Variants in SORCS3 observed in about 807,000 individuals in gnomAD.
The protein encoded by SORCS3 is sortilin related VPS10 domain containing receptor 3.
A neutral mutation model predicts 146.3 loss-of-function variants in SORCS3; 57 were observed. The ratio of observed to expected loss-of-function variants is 0.39; its 90% CI spans 0.31 to 0.49. SORCS3 has a LOEUF of 0.49. Ranked by LOEUF, SORCS3 falls within the 20% of genes least tolerant of loss-of-function variation. The pLI is 0.92. For missense variants in SORCS3, 1,341 were observed against 1,575.5 expected (o/e 0.85, Z 2.52); for synonymous variants, 653 against 618.5 (o/e 1.06, Z -0.83).
rs183237232 is a variant in SORCS3 at position 105,243,046 on chromosome 10, T to C, written c.2869-2496T>C. Reference sequence around the variant, plus strand: ...ATACATATATATTTACATATATTTATATATATTTATATATTTATATATATT... The same window carrying C: ...ATACATATATATTTACATATATTTACATATATTTATATATTTATATATATT... On this transcript the variant is annotated intron_variant, in intron 20 of 26. Transcript: ENST00000369701. Among the ~76,000 whole-genome samples the C allele has an allele frequency of 6.5e-3, 884 of 136,528 alleles. 5 individuals carry two copies. The highest frequency in any genetic ancestry group is 9.7e-3 in the Non-Finnish European group (632 of 65,214). The allele number at this position is 136,528 out of a possible 152,430, so 89.6% of individuals were successfully genotyped here. A position where few individuals can be genotyped will look rare whatever the true frequency, so the allele number is the denominator to read the frequency against.
At chr10:104,829,328 T>C (rs2017975788) in intron 1 of SORCS3, among the ~76,000 whole-genome samples, 1 of 152,162 alleles carries the variant, frequency 6.6e-6, no homozygotes, top group Non-Finnish European at 1.5e-5. Context: ...GGAAAATCAG[T>C]TCTGTCTTTG....
chr10:104,673,703 T>G (rs1400258096), intron 1 of SORCS3, among the ~76,000 whole-genome samples: 1 of 152,156 alleles, frequency 6.6e-6, no homozygotes, highest in East Asian at 1.9e-4. Context: ...CCTCCTGCCT[T>G]GGCCTCCTAT....
intron 7 of SORCS3, among the ~76,000 whole-genome samples, chr10:105,115,305 T>C (rs2055885562): frequency 6.6e-6 from 1 of 152,196 alleles, no homozygotes; most frequent in East Asian, 1.9e-4. Flanking sequence ...GAGATAATAA[T>C]GGCTTTGAAA....
chr10:104,723,385 T>A (rs1257652767), intron 1 of SORCS3, among the ~76,000 whole-genome samples: 2 of 151,974 alleles, frequency 1.3e-5, no homozygotes, highest in Non-Finnish European at 2.9e-5. Context: ...TGCTGAGGAG[T>A]GTTTTACTTC....
chr10:104,824,592 C>T (rs570043356), intron 1 of SORCS3, among the ~76,000 whole-genome samples: 1 of 152,272 alleles, frequency 6.6e-6, no homozygotes. Context: ...TGGTGCTGAA[C>T]GCTGTCCCGG....
chr10:104,801,749 T>A (rs935570705), intron 1 of SORCS3, among the ~76,000 whole-genome samples: 1 of 152,236 alleles, frequency 6.6e-6, no homozygotes, highest in Non-Finnish European at 1.5e-5. Context: ...GGGATGCATT[T>A]AATTCTTACA....
chr10:104,840,541 A>G (rs1425795191), intron 1 of SORCS3, among the ~76,000 whole-genome samples: 2 of 152,174 alleles, frequency 1.3e-5, no homozygotes, highest in African/African-American at 2.4e-5. Flanking sequence ...AAGAATCTGG[A>G]TCTTTTATTT....
At chr10:104,811,178 A>G (rs61867295) in intron 1 of SORCS3, among the ~76,000 whole-genome samples, 4,495 of 152,344 alleles carry the variant, frequency 0.03, 86 homozygotes, top group Middle Eastern at 0.078. Context: ...ACTGGACCAG[A>G]TATTTTACAC....
intron 14 of SORCS3, among the ~76,000 whole-genome samples, chr10:105,178,860 C>G (rs1247278115): frequency 6.6e-6 from 1 of 152,086 alleles, no homozygotes; most frequent in East Asian, 1.9e-4. Flanking sequence ...AGAGTGGAGT[C>G]TTGTTGGGCA....
At chr10:104,863,955 G>A (rs2018433045) in intron 2 of SORCS3, among the ~76,000 whole-genome samples, 1 of 152,182 alleles carries the variant, frequency 6.6e-6, no homozygotes, top group East Asian at 1.9e-4. Context: ...GCCTATCAGG[G>A]TTGTCAAAAG....
intron 1 of SORCS3, among the ~76,000 whole-genome samples, chr10:104,713,785 G>C (rs1291499488): frequency 6.6e-6 from 1 of 152,090 alleles, no homozygotes; most frequent in Admixed American, 6.5e-5. Flanking sequence ...TGGTTTGGGG[G>C]TATTATAGAA....
At chr10:104,925,079 G>A (rs1031587300) in intron 3 of SORCS3, among the ~76,000 whole-genome samples, 39 of 151,912 alleles carry the variant, frequency 2.6e-4, no homozygotes, top group African/African-American at 9.2e-4. Flanking sequence ...CCCCTGACAG[G>A]CCCCAGTGTG....
At chr10:105,230,412 C>G (rs1343250993) in intron 20 of SORCS3, among the ~76,000 whole-genome samples, 1 of 152,068 alleles carries the variant, frequency 6.6e-6, no homozygotes, top group Non-Finnish European at 1.5e-5. Context: ...CTTTTAGTGG[C>G]AGCCATAGTC....
At position 105,186,345 on chromosome 10, in the gene SORCS3, A is replaced by G. The variant is rs1400862583; in HGVS notation, c.2009+8172A>G. On this transcript the variant is annotated intron_variant, in intron 14 of 26. Coordinates refer to ENST00000369701, the MANE Select transcript of SORCS3 (RefSeq NM_014978.3). ...AACTGTGTCTTATTTATTATCTCCC[A>G]TAGCACTGAACATAATTGTCCTCGT... Among the ~76,000 whole-genome samples, 15 of 152,334 alleles carry G rather than the reference A, an allele frequency of 9.8e-5. No homozygotes were observed. The East Asian group carries it at 2.5e-3, about 25-fold the overall frequency.
chr10:105,014,112 CAT>C (rs899047377), intron 4 of SORCS3, among the ~76,000 whole-genome samples: 34 of 147,236 alleles, frequency 2.3e-4, no homozygotes, highest in African/African-American at 7.9e-4. Flanking sequence ...TATATATACA[CAT>C]ATATATACAT....
intron 14 of SORCS3, among the ~76,000 whole-genome samples, chr10:105,179,106 TTGTAAC>T (rs2056426765): frequency 6.6e-6 from 1 of 152,200 alleles, no homozygotes; most frequent in South Asian, 2.1e-4. Context: ...AAAAAATTCT[TTGTAAC>T]TGTATTTATG....
chr10:104,934,810 C>T (rs372527716), intron 3 of SORCS3, among the ~76,000 whole-genome samples: 113 of 152,240 alleles, frequency 7.4e-4, no homozygotes, highest in African/African-American at 2.6e-3. Context: ...TAGAGGTGGA[C>T]GAAGTCAAAA....
At chr10:105,259,726 G>GT (rs1020482574) in intron 25 of SORCS3, among the ~76,000 whole-genome samples, 4 of 152,128 alleles carry the variant, frequency 2.6e-5, no homozygotes, top group South Asian at 4.2e-4. Flanking sequence ...TCCTTCCACT[G>GT]TTTTTTTAGG....
Position 104,962,625 on chromosome 10 carries a change from T to C in SORCS3, c.796-14710T>C, listed in dbSNP as rs1255977753. Among the ~76,000 whole-genome samples, 4 of 152,296 alleles carry C rather than the reference T, an allele frequency of 2.6e-5. No individual in the cohort carries two copies. The East Asian group carries it at 7.7e-4, about 29-fold the overall frequency. On this transcript the variant is annotated intron_variant, in intron 3 of 26. Coordinates refer to ENST00000369701, the MANE Select transcript of SORCS3 (RefSeq NM_014978.3). ...CCACGAGTTGTGCTCACCATGTGGATAGAAATTTACTAGCTTTTCAAATTT... is the reference window on the plus strand; with the variant it reads ...CCACGAGTTGTGCTCACCATGTGGACAGAAATTTACTAGCTTTTCAAATTT...
Sources: allele counts gnomAD v4.1 joint callset (sites outside exome capture counted in the v4.1 genomes callset), GRCh38; gene constraint gnomAD v4.1.1; transcripts MANE v1.5; gene names NCBI Gene and HGNC (gene_info 2026-07-23, HGNC 2026-07-21).